The following GRM8 variants were observed in gnomAD, a reference collection of about 807,000 sequenced individuals.
GRM8 encodes the protein metabotropic glutamate receptor 8.
Under a neutral mutation model 87.2 loss-of-function variants are expected in GRM8, and 47 were observed. The ratio of observed to expected loss-of-function variants is 0.54; its 90% confidence interval spans 0.43 to 0.69. GRM8 has a LOEUF of 0.69. GRM8 is among the 30% of genes least tolerant of loss of function. The probability of loss-of-function intolerance (pLI) is 0.00; values close to 1 mark genes in which losing one functional copy is unlikely to be tolerated. For missense variants in GRM8, 1,019 were observed against 1,139.2 expected (o/e 0.89, Z 1.52); for synonymous variants, 396 against 404.5 (o/e 0.98, Z 0.25).
intron 6 of GRM8, among the ~76,000 whole-genome samples, chr7:126,894,857 G>A (rs1288506241): frequency 1.3e-5 from 2 of 152,032 alleles, no homozygotes; most frequent in Non-Finnish European, 2.9e-5. Flanking sequence ...TTGACCAGAT[G>A]AGCCTCAATT....
At chr7:127,242,624 A>C in intron 2 of GRM8, 71 bp downstream of exon 2, 1 of 1,423,156 alleles carries the variant, frequency 7.0e-7, no homozygotes, top group Non-Finnish European at 9.7e-7. Context: ...CTTTCTTCTT[A>C]AACCTGCAGT....
At chr7:127,059,554 C>G (rs1489601874) in intron 3 of GRM8, among the ~76,000 whole-genome samples, 1 of 152,064 alleles carries the variant, frequency 6.6e-6, no homozygotes, top group African/African-American at 2.4e-5. Context: ...TCAGGCTGGT[C>G]TCTAACTCCT....
intron 3 of GRM8, among the ~76,000 whole-genome samples, chr7:126,969,028 T>C (rs1160554438): frequency 6.6e-6 from 1 of 152,206 alleles, no homozygotes; most frequent in Non-Finnish European, 1.5e-5. Context: ...CTATATTGTA[T>C]TCCACTGAGT....
At chr7:126,549,923 T>C (rs1315124480) in intron 8 of GRM8, among the ~76,000 whole-genome samples, 1 of 152,070 alleles carries the variant, frequency 6.6e-6, no homozygotes, top group Non-Finnish European at 1.5e-5. Flanking sequence ...TCAACAATAG[T>C]TATGAAGGAT....
At chr7:127,040,058 G>T in intron 3 of GRM8, among the ~76,000 whole-genome samples, 3 of 1,650 alleles carry the variant, frequency 1.8e-3, no homozygotes, top group Non-Finnish European at 2.1e-3. Context: ...TGGGGAGGAG[G>T]GAAGAAGGGG....
intron 9 of GRM8, among the ~76,000 whole-genome samples, chr7:126,455,979 C>A (rs1393336249): frequency 1.3e-5 from 2 of 151,096 alleles, no homozygotes; most frequent in South Asian, 2.1e-4. Flanking sequence ...TTATTGTTAT[C>A]TTAGAGAAGT....
intron 8 of GRM8, among the ~76,000 whole-genome samples, chr7:126,545,703 T>C (rs534711758): frequency 3.3e-5 from 5 of 152,306 alleles, no homozygotes; most frequent in African/African-American, 1.2e-4. Flanking sequence ...CAGTACTTTA[T>C]AATAACTAAA....
chr7:126,927,275 A>C (rs1805240087), intron 3 of GRM8, among the ~76,000 whole-genome samples: 1 of 152,138 alleles, frequency 6.6e-6, no homozygotes, highest in African/African-American at 2.4e-5. Flanking sequence ...AGCTAGGACT[A>C]CAGCCATATG....
Position 127,012,162 on chromosome 7 carries a change from T to A in GRM8, c.727+94334A>T, listed in dbSNP as rs1246864238. Among the ~76,000 whole-genome samples, 3 of 152,006 alleles carry A rather than the reference T, an allele frequency of 2.0e-5. No homozygotes were observed. The South Asian group carries it at 6.2e-4, about 32-fold the overall frequency. On this transcript the variant is annotated intron_variant, in intron 3 of 10. Transcript: ENST00000339582. ...GTTTCCTCTGCAGAAAATGAAAAAA[T>A]ATGAGATCCAAGCACCTGCAACTCC...
chr7:126,777,663 T>C (rs1355253412), intron 6 of GRM8, among the ~76,000 whole-genome samples: 3 of 152,254 alleles, frequency 2.0e-5, no homozygotes, highest in Admixed American at 1.3e-4. Flanking sequence ...TTATAAAATA[T>C]AAACTTTTAC....
At chr7:127,015,452 A>C (rs1815570878) in intron 3 of GRM8, among the ~76,000 whole-genome samples, 1 of 152,112 alleles carries the variant, frequency 6.6e-6, no homozygotes, top group African/African-American at 2.4e-5. Flanking sequence ...AAGTAGGAAG[A>C]GAAAAAGGTA....
intron 6 of GRM8, among the ~76,000 whole-genome samples, chr7:126,845,416 C>G (rs1563243394): frequency 6.6e-6 from 1 of 152,258 alleles, no homozygotes; most frequent in East Asian, 1.9e-4. Context: ...TTAGCTCAAC[C>G]TAGGCCAACT....
Position 127,240,473 on chromosome 7 carries a change from C to T in GRM8, c.510+2222G>A, listed in dbSNP as rs538564062. ...AAGCTTGGAAAACCTCATATGAATA[C>T]CTTATCTCCTCCACCACACTCCTCA... On this transcript the variant is annotated intron_variant, in intron 2 of 10. Coordinates refer to ENST00000339582, the MANE Select transcript of GRM8 (RefSeq NM_000845.3). Among the ~76,000 whole-genome samples, 7 of 150,730 alleles carry T rather than the reference C, an allele frequency of 4.6e-5. No individual in the cohort carries two copies. In the East Asian group the frequency reaches 1.4e-3, roughly 29 times the overall value.
chr7:126,755,080 C>A (rs1463382131), intron 7 of GRM8, among the ~76,000 whole-genome samples: 1 of 151,892 alleles, frequency 6.6e-6, no homozygotes, highest in Non-Finnish European at 1.5e-5. Flanking sequence ...ACTGATGAAG[C>A]ACATAACCCG....
intron 6 of GRM8, among the ~76,000 whole-genome samples, chr7:126,781,509 A>ATGTG (rs1820071332): frequency 6.6e-6 from 1 of 152,202 alleles, no homozygotes; most frequent in Non-Finnish European, 1.5e-5. Flanking sequence ...CTTTTAAACA[A>ATGTG]AAAGCTGAAT....
chr7:127,100,782 G>A (rs778035124), intron 3 of GRM8, among the ~76,000 whole-genome samples: 4 of 152,148 alleles, frequency 2.6e-5, no homozygotes, highest in East Asian at 3.8e-4. Context: ...CTTGACACAC[G>A]GGGATTATTA....
chr7:126,640,211 A>G (rs956972683), intron 7 of GRM8, among the ~76,000 whole-genome samples: 4 of 152,216 alleles, frequency 2.6e-5, no homozygotes, highest in Admixed American at 6.5e-5. Flanking sequence ...ATCAGAACCT[A>G]TGATAGCCTT....
At chr7:126,460,505 G>A (rs1803773558) in intron 9 of GRM8, among the ~76,000 whole-genome samples, 1 of 151,604 alleles carries the variant, frequency 6.6e-6, no homozygotes, top group Non-Finnish European at 1.5e-5. Flanking sequence ...AGGTGGAGAA[G>A]GCTTTGACCA....
At chr7:126,715,826 T>C (rs1811678843) in intron 7 of GRM8, among the ~76,000 whole-genome samples, 1 of 152,218 alleles carries the variant, frequency 6.6e-6, no homozygotes, top group Non-Finnish European at 1.5e-5. Context: ...CTTACTCCTA[T>C]CTTTTCAAAT....
Sources: allele counts gnomAD v4.1 joint callset (sites outside exome capture counted in the v4.1 genomes callset), GRCh38; gene constraint gnomAD v4.1.1; transcripts MANE v1.5; gene names NCBI Gene and HGNC (gene_info 2026-07-23, HGNC 2026-07-21).